The following RRN3 variants were observed in gnomAD, a reference collection of about 807,000 sequenced individuals.
RRN3 encodes the protein RNA polymerase I transcription factor RRN3, also known as RNA polymerase I-specific transcription initiation factor RRN3.
Under a neutral mutation model 82.3 loss-of-function variants are expected in RRN3, and 38 were observed. The ratio of observed to expected loss-of-function variants is 0.46; its 90% CI spans 0.36 to 0.61. The LOEUF is 0.61. Ranked by LOEUF, RRN3 falls within the 20% of genes least tolerant of loss-of-function variation. The pLI is 0.00. For synonymous variants in RRN3, 284 were observed against 284.3 expected (o/e 1.00, Z 0.01); for missense variants, 726 against 793.1 (o/e 0.92, Z 1.02).
At chr16:15,076,797 G>C (rs762847840) in intron 9 of RRN3, 147 bp from the exon 10 acceptor site, 62 of 627,752 alleles carry the variant, frequency 9.9e-5, no homozygotes, top group Non-Finnish European at 1.7e-4. Context: ...CACAATTATG[G>C]TGCAAGCCTG....
rs2045301905 is a variant in RRN3 at position 15,073,029 on chromosome 16, A to G, written c.1049T>C (p.Ile350Thr). 1.4e-5 allele frequency: 22 copies of G among 1,613,154 alleles called. No homozygotes were observed. The highest frequency in any genetic ancestry group is 1.5e-5 in the Non-Finnish European group (18 of 1,179,790). ...TKDLYRDLINIFDKLLLPTHA... is the reference protein window; with the variant it reads ...TKDLYRDLINTFDKLLLPTHA... ...GGTGGGCAACAGGAGTTTGTCAAAG[A>G]TGTTTATCAGGTCGCGATATAGATC... is the stretch of plus-strand genomic sequence containing the variant. The change falls in exon 12 of 18, where the codon ATC (isoleucine) becomes ACC (threonine). Residue 350 changes from isoleucine to threonine, a missense_variant. Physicochemically the swap from Ile to Thr is moderately conservative, Grantham distance 89. Coordinates refer to ENST00000198767, the MANE Select transcript of RRN3 (RefSeq NM_018427.5).
Position 15,083,410 on chromosome 16 carries a change from AG to A in RRN3, c.666+102del. ...TGAGACTCGGTCTCAAAAAAGAAAA[AG>A]AAAAAGAAAGACTGGAAAAGAAAGA... On this transcript the variant is annotated intron_variant, in intron 8 of 17. Transcript: ENST00000198767. The A allele has an allele frequency of 4.6e-6, 7 of 1,528,810 alleles. No individual in the cohort carries two copies. In the African/African-American group the frequency reaches 7.0e-5, roughly 15 times the overall value. 94.7% of individuals were successfully genotyped at this position (1,528,810 alleles called of 1,614,324 possible).
At position 15,061,810 on chromosome 16, in the gene RRN3, A is replaced by C. The variant is rs371499562; in HGVS notation, c.1890T>G (p.His630Gln). ...CCACACTACTTGAAGGACTTCGGAAATGCGTGTCAAAGGAGCTTGGTGTGA... is the reference window on the plus strand; with the variant it reads ...CCACACTACTTGAAGGACTTCGGAACTGCGTGTCAAAGGAGCTTGGTGTGA... ...IGITPSSFDTHFRSPSSSVGS... is the reference protein window; with the variant it reads ...IGITPSSFDTQFRSPSSSVGS... The change falls in exon 18 of 18, where the codon CAT becomes CAG. Residue 630 changes from histidine (H) to glutamine (Q), a missense_variant. By Grantham distance (24) the His-to-Gln change is conservative (BLOSUM62 0). Coordinates refer to ENST00000198767, the MANE Select transcript of RRN3 (RefSeq NM_018427.5). The C allele has an allele frequency of 6.2e-7, 1 of 1,614,194 alleles. No individual in the cohort carries two copies. The highest frequency in any genetic ancestry group is 8.5e-7 in the Non-Finnish European group (1 of 1,179,990).
intron 14 of RRN3, 41 bp downstream of exon 14, chr16:15,070,029 A>G: frequency 1.9e-6 from 2 of 1,035,204 alleles, no homozygotes; most frequent in Non-Finnish European, 1.4e-6. Context: ...GGGTGACAAG[A>G]ACACAAGGAA....
chr16:15,078,804 A>AT (rs1156857713), intron 9 of RRN3, among the ~76,000 whole-genome samples: 26 of 129,514 alleles, frequency 2.0e-4, no homozygotes, highest in African/African-American at 6.9e-4. Context: ...TCCTCTTCGT[A>AT]TTTTTTTCTT....
chr16:15,094,165 C>T lies in RRN3; in HGVS notation c.69G>A (p.Lys23=). 1 of 1,601,838 alleles carries T rather than the reference C, an allele frequency of 6.2e-7. No homozygotes were observed. The highest frequency in any genetic ancestry group is 2.2e-5 in the East Asian group (1 of 44,568). Residue 23 remains lysine (K), a synonymous_variant, in exon 1 of 18, where the codon AAG becomes AAA. Coordinates refer to ENST00000198767, the MANE Select transcript of RRN3 (RefSeq NM_018427.5). ...CTTACCCAGTCCTCGACGCGCCCAG[C>T]TTCTTAACTGCAGAGGACGAAGCGG... ...DAAASSSAVK[K]LGASRTGISN...
rs79293274 is a variant in RRN3 at position 15,071,291 on chromosome 16, C to G, written c.1129-40G>C. 160 of 1,544,620 alleles carry G rather than the reference C, an allele frequency of 1.0e-4. 2 individuals are homozygous for G. The East Asian group carries it at 3.6e-3, about 35-fold the overall frequency. ...GGCGTCGGTGTGATCTTTTTTAATG[C>G]CTAAGATAATCTGGCTATCAAAATC... On this transcript the variant is annotated intron_variant, in intron 12 of 17. Transcript: ENST00000198767.
chr16:15,092,391 T>G, intron 2 of RRN3, 118 bp downstream of exon 2: 1 of 694,600 alleles, frequency 1.4e-6, no homozygotes, highest in Non-Finnish European at 2.6e-6. Context: ...TATTATTAAA[T>G]ATTTGATTTC....
chr16:15,068,975 A>G (rs2045103278), intron 14 of RRN3, among the ~76,000 whole-genome samples: 1 of 152,244 alleles, frequency 6.6e-6, no homozygotes, highest in Non-Finnish European at 1.5e-5. Context: ...AAAACAAGAT[A>G]TTTAATCCAG....
At chr16:15,063,161 A>G (rs1461146003) in intron 17 of RRN3, 35 bp downstream of exon 17, 1 of 1,409,062 alleles carries the variant, frequency 7.1e-7, no homozygotes, top group Non-Finnish European at 1.0e-6. Flanking sequence ...CAGAAAGGAG[A>G]TTCCGAGAGT....
intron 10 of RRN3, among the ~76,000 whole-genome samples, chr16:15,075,781 C>A (rs1044186313): frequency 2.0e-5 from 3 of 152,138 alleles, no homozygotes; most frequent in African/African-American, 7.2e-5. Flanking sequence ...CTGGTGCCCA[C>A]CATGGCGGGT....
chr16:15,089,723 C>T (rs1261099019), intron 3 of RRN3, among the ~76,000 whole-genome samples: 3 of 139,250 alleles, frequency 2.2e-5, no homozygotes, highest in Admixed American at 7.9e-5. Context: ...TCGCTTGAAC[C>T]CGGGAGGCGG....
chr16:15,071,001 G>A, intron 13 of RRN3, 120 bp downstream of exon 13: 1 of 782,388 alleles, frequency 1.3e-6, no homozygotes, highest in East Asian at 2.6e-5. Context: ...GCACAGAGTA[G>A]GGATTTTATT....
In RRN3 at chr16:15,068,550, C is replaced by G. The variant is rs2045079996; in HGVS notation, c.1445-273G>C. On this transcript the variant is annotated intron_variant, in intron 14 of 17. Coordinates refer to ENST00000198767, the MANE Select transcript of RRN3 (RefSeq NM_018427.5). The stretch of plus-strand genomic sequence containing the variant: ...TAAGATTCCACGACAATGTGAAATT[C>G]ATATGTTTGCAAGCTCAGTGTATGC... Among the ~76,000 whole-genome samples, 3 of 152,122 alleles carry G rather than the reference C, an allele frequency of 2.0e-5. No individual in the cohort carries two copies. The South Asian group carries it at 6.2e-4, about 32-fold the overall frequency.
At chr16:15,078,973 G>A (rs1359400356) in intron 9 of RRN3, among the ~76,000 whole-genome samples, 9 of 151,900 alleles carry the variant, frequency 5.9e-5, no homozygotes, top group South Asian at 4.2e-4. Flanking sequence ...CACCATACCC[G>A]GCCAATTTTT....
intron 9 of RRN3, 109 bp from the exon 10 acceptor site, chr16:15,076,759 G>A: frequency 1.4e-6 from 1 of 736,570 alleles, no homozygotes; most frequent in Non-Finnish European, 2.4e-6. Context: ...GTCCAGATTA[G>A]TGCCTTATAT....
chr16:15,088,168 G>T (rs1331591280), intron 3 of RRN3, among the ~76,000 whole-genome samples: 1 of 151,894 alleles, frequency 6.6e-6, no homozygotes, highest in African/African-American at 2.4e-5. Flanking sequence ...CTTTAGTACT[G>T]AACTATTATT....
chr16:15,067,776 G>A (rs1286954597), intron 15 of RRN3, among the ~76,000 whole-genome samples: 1 of 152,064 alleles, frequency 6.6e-6, no homozygotes, highest in African/African-American at 2.4e-5. Context: ...GTTTGTTTAA[G>A]AGACAGGGTC....
At chr16:15,072,288 T>G in intron 12 of RRN3, among the ~76,000 whole-genome samples, 1 of 149,778 alleles carries the variant, frequency 6.7e-6, no homozygotes. Flanking sequence ...AGACAAAGCC[T>G]AAAGTTTTTA....
Sources: gnomAD v4.1 joint callset for allele counts (sites outside exome capture counted in the v4.1 genomes callset) on GRCh38, gnomAD v4.1.1 for gene constraint, MANE v1.5 for transcripts, NCBI Gene and HGNC (gene_info 2026-07-23, HGNC 2026-07-21) for gene names.